ZNF536: variants seen among roughly 807,000 people sequenced by gnomAD.
ZNF536 encodes the protein zinc finger protein 536.
In ZNF536, 13 loss-of-function variants were observed where a neutral mutation model predicts 84.5. The observed-to-expected ratio is 0.15, with a 90% confidence interval of 0.10 to 0.24. The LOEUF (loss-of-function observed/expected upper bound fraction) is 0.24, where lower values mean the gene tolerates loss of function less well. ZNF536 is among the 10% of genes least tolerant of loss of function. The pLI is 1.00. For synonymous variants in ZNF536, 811 were observed against 742.5 expected (o/e 1.09, Z -1.50); for missense variants, 1,536 against 1,747.5 (o/e 0.88, Z 2.16).
In ZNF536 at chr19:30,617,489, G is replaced by A. The variant is rs545721097; in HGVS notation, c.169+67975G>A. On this transcript the variant is annotated intron_variant, in intron 1 of 1. Coordinates refer to the ZNF536 transcript ENST00000592773. ...CCTCAGCCTCCCAAGTAACTGGGAC[G>A]ACAGGCGCCTGCCACCACGCCTGGC... is the stretch of plus-strand genomic sequence containing the variant. 1.9e-3 allele frequency among the ~76,000 whole-genome samples: 292 copies of A among 151,128 alleles called. 1 individual carries two copies. The highest frequency in any genetic ancestry group is 3.3e-3 in the Admixed American group (50 of 15,172).
chr19:30,592,980 G>A (rs2047326455), intron 1 of ZNF536, among the ~76,000 whole-genome samples: 3 of 152,184 alleles, frequency 2.0e-5, no homozygotes, highest in Admixed American at 1.3e-4. Context: ...CCATCATCAA[G>A]TCCAGCATCT....
At chr19:30,353,804 G>A (rs1022592412) in intron 3 of ZNF536, among the ~76,000 whole-genome samples, 1 of 152,206 alleles carries the variant, frequency 6.6e-6, no homozygotes, top group Admixed American at 6.5e-5. Context: ...GAGGAGTTAG[G>A]AGCCTTACAA....
chr19:30,404,827 G>A (rs529401445), intron 1 of ZNF536, among the ~76,000 whole-genome samples: 4 of 152,244 alleles, frequency 2.6e-5, no homozygotes, highest in African/African-American at 9.6e-5. Context: ...CACAGGTTGC[G>A]AGCTCAGTCC....
rs564276621 is a variant in ZNF536, at chr19:30,235,379, AT to A, written c.-190+6707del. ...GAGAACAAAATCATCCTTCTGAATA[AT>A]GTTAACCCGCCTTGAAAAGGAAAGT... On this transcript the variant is annotated intron_variant, in intron 1 of 5. Transcript: ENST00000585628. Among the ~76,000 whole-genome samples, 176 of 152,338 alleles carry A rather than the reference AT, an allele frequency of 1.2e-3. 1 individual carries two copies. The highest frequency in any genetic ancestry group is 4.1e-3 in the African/African-American group (172 of 41,582).
rs184869771 is a variant in ZNF536 at position 30,342,458 on chromosome 19, G to A, written c.-119-9910G>A. Among the ~76,000 whole-genome samples the A allele has an allele frequency of 2.7e-3, 413 of 152,290 alleles. 3 individuals carry two copies. Among genetic ancestry groups the A allele is most frequent in the African/African-American group, 9.5e-3 (394 of 41,544 alleles). On this transcript the variant is annotated intron_variant, in intron 2 of 5. Coordinates refer to the ZNF536 transcript ENST00000585628. The stretch of plus-strand genomic sequence containing the variant: ...GTTGTGGACTCTGCTATGTGCTGAG[G>A]TTCTGCTGAATTAGACATCACATAA...
chr19:30,270,611 C>T (rs1008731771), intron 1 of ZNF536, among the ~76,000 whole-genome samples: 8 of 152,196 alleles, frequency 5.3e-5, no homozygotes, highest in Admixed American at 2.0e-4. Context: ...AATATATTCG[C>T]GTCTTTTAGA....
intron 1 of ZNF536, among the ~76,000 whole-genome samples, chr19:30,277,116 A>C (rs1382457532): frequency 1.3e-5 from 2 of 152,178 alleles, no homozygotes; most frequent in Non-Finnish European, 2.9e-5. Context: ...TTTTGAAGTA[A>C]TGAAGAGAGA....
chr19:30,415,160 C>A, intron 1 of ZNF536, among the ~76,000 whole-genome samples: 1 of 93,412 alleles, frequency 1.1e-5, no homozygotes, highest in South Asian at 5.1e-4. Context: ...CTCCCCCTCC[C>A]CCTGCCCCCT....
At chr19:30,287,399 A>G (rs1186209895) in intron 2 of ZNF536, among the ~76,000 whole-genome samples, 1 of 149,656 alleles carries the variant, frequency 6.7e-6, no homozygotes, top group Non-Finnish European at 1.5e-5. Flanking sequence ...AAATGGATAA[A>G]TGAATGGATG....
intron 2 of ZNF536, among the ~76,000 whole-genome samples, chr19:30,461,007 A>G (rs1217387608): frequency 6.6e-6 from 1 of 152,136 alleles, no homozygotes; most frequent in African/African-American, 2.4e-5. Context: ...ACACAGAAGG[A>G]GATAAGACTG....
At chr19:30,706,481 G>T (rs1286027573) in intron 1 of ZNF536, among the ~76,000 whole-genome samples, 2 of 146,666 alleles carry the variant, frequency 1.4e-5, no homozygotes, top group Non-Finnish European at 3.0e-5. Context: ...GTGAAACTCT[G>T]TCTCAAAAAA....
intron 1 of ZNF536, among the ~76,000 whole-genome samples, chr19:30,242,673 A>T (rs925699908): frequency 3.3e-5 from 5 of 152,104 alleles, no homozygotes; most frequent in Non-Finnish European, 7.3e-5. Flanking sequence ...ACAAAGACCT[A>T]TCCCTTTCGA....
intron 2 of ZNF536, among the ~76,000 whole-genome samples, chr19:30,467,783 A>C (rs1480698540): frequency 1.3e-5 from 2 of 152,194 alleles, no homozygotes; most frequent in Non-Finnish European, 2.9e-5. Context: ...TGGCGTCAGG[A>C]ATGGGCCTCT....
At chr19:30,627,127 G>A (rs2048709948) in intron 1 of ZNF536, among the ~76,000 whole-genome samples, 1 of 152,022 alleles carries the variant, frequency 6.6e-6, no homozygotes, top group Non-Finnish European at 1.5e-5. Context: ...GCCTCCCTGT[G>A]GGTCTGTTTC....
chr19:30,474,183 A>G (rs560001827), intron 2 of ZNF536, among the ~76,000 whole-genome samples: 66 of 152,244 alleles, frequency 4.3e-4, no homozygotes, highest in African/African-American at 1.5e-3. Flanking sequence ...GTGGATGTTG[A>G]CGCCATGTGG....
At chr19:30,630,086 A>G (rs1207605526) in intron 1 of ZNF536, among the ~76,000 whole-genome samples, 3 of 152,218 alleles carry the variant, frequency 2.0e-5, no homozygotes, top group Non-Finnish European at 4.4e-5. Context: ...TTCTTTTTAC[A>G]AAAGTTTTAT....
At chr19:30,568,822 A>G (rs140568536) in intron 1 of ZNF536, among the ~76,000 whole-genome samples, 1 of 152,302 alleles carries the variant, frequency 6.6e-6, no homozygotes, top group Non-Finnish European at 1.5e-5. Context: ...TGGTGCAGAA[A>G]AGCAACTGGG....
Position 30,610,579 on chromosome 19 carries a change from C to T in ZNF536, c.169+61065C>T, listed in dbSNP as rs527474512. Among the ~76,000 whole-genome samples the T allele has an allele frequency of 3.9e-5, 6 of 152,284 alleles. No homozygotes were observed. The South Asian group carries it at 1.0e-3, about 26-fold the overall frequency. ...ATCAGAAACAGAGTGGAAGCTTAGC[C>T]GTCAAAAGAGGAAGAAATGGATCTT... On this transcript the variant is annotated intron_variant, in intron 1 of 1. Transcript: ENST00000592773.
Position 30,495,568 on chromosome 19 carries a change from T to C in ZNF536, c.2171-39279T>C, listed in dbSNP as rs181446475. Among the ~76,000 whole-genome samples the C allele has an allele frequency of 2.0e-5, 3 of 152,260 alleles. No individual in the cohort carries two copies. In the East Asian group the frequency reaches 5.8e-4, roughly 29 times the overall value. Reference sequence around the variant, plus strand: ...ATCATAGAATCATCTGATGGAGAGATAGCAGGCAAATACAACCTCTTATAC... The same window carrying C: ...ATCATAGAATCATCTGATGGAGAGACAGCAGGCAAATACAACCTCTTATAC... On this transcript the variant is annotated intron_variant, in intron 2 of 4. Transcript: ENST00000355537.
Sources: gnomAD v4.1 joint callset for allele counts (sites outside exome capture counted in the v4.1 genomes callset) on GRCh38, gnomAD v4.1.1 for gene constraint, MANE v1.5 for transcripts, NCBI Gene and HGNC (gene_info 2026-07-23, HGNC 2026-07-21) for gene names.